The following SASS6 variants were observed in gnomAD, a reference collection of about 807,000 sequenced individuals.
The protein encoded by SASS6 is spindle assembly abnormal protein 6 homolog.
Under a neutral mutation model 94.9 loss-of-function variants are expected in SASS6, and 59 were observed. The observed-to-expected ratio is 0.62, with a 90% CI of 0.50 to 0.77. SASS6 has a LOEUF of 0.77. SASS6 is among the 30% of genes least tolerant of loss of function. SASS6 has a pLI of 0.00. For synonymous variants in SASS6, 264 were observed against 270.0 expected (o/e 0.98, Z 0.22); for missense variants, 698 against 734.1 (o/e 0.95, Z 0.57).
In SASS6 at chr1:100,105,810, C is replaced by A. The variant is rs1240486965; in HGVS notation, c.1502G>T (p.Ser501Ile). 10 of 1,613,276 alleles carry A rather than the reference C, an allele frequency of 6.2e-6. No homozygotes were observed. Among genetic ancestry groups the A allele is most frequent in the East Asian group, 2.2e-5 (1 of 44,824 alleles). The change falls in exon 13 of 17, where the codon AGC (serine) becomes ATC (isoleucine). Residue 501 changes from serine to isoleucine, a missense_variant. By Grantham distance (142) the Ser-to-Ile change is moderately radical. Transcript: ENST00000287482. ...AATTCCACTTCTGATTGTGTTGCTG[C>A]TGGAATGTGCAGGCGGAGTAGTAGA... The part of the protein sequence containing the change: ...GPSTTPPAHS[S>I]SNTIRSGISP...
chr1:100,132,868 G>A lies in SASS6; in HGVS notation c.-54C>T, dbSNP rs1470830302. 2.6e-5 allele frequency: 40 copies of A among 1,517,450 alleles called. No individual in the cohort carries two copies. In the East Asian group the frequency reaches 8.8e-4, roughly 33 times the overall value. The allele number at this position is 1,517,450 out of a possible 1,614,324, so 94.0% of individuals were successfully genotyped here. ...GAAAAGCCCAACAGGCCCGGCCCTC[G>A]GGATTAGCCTGAGAGGTCCGGGTCC... On this transcript the variant is annotated 5_prime_UTR_variant, in exon 1 of 17. Transcript: ENST00000287482.
In SASS6 at chr1:100,102,675, C is replaced by CA. The variant is rs67844941; in HGVS notation, c.1674+279dup. Among the ~76,000 whole-genome samples the CA allele has an allele frequency of 0.16, 11,199 of 69,726 alleles. 1,036 individuals are homozygous for CA. Among genetic ancestry groups the CA allele is most frequent in the African/African-American group, 0.3 (6,045 of 19,896 alleles). The allele number at this position is 69,726 out of a possible 152,430, so 45.7% of individuals were successfully genotyped here. ...CCTGGACAACCGAGCAAGACTGTCT[C>CA]AAAAAAAAAAAAAAAAAAAGGAGAG... On this transcript the variant is annotated intron_variant, in intron 14 of 16. Coordinates refer to ENST00000287482, the MANE Select transcript of SASS6 (RefSeq NM_194292.3).
At position 100,102,937 on chromosome 1, in the gene SASS6, ATTAG is replaced by A; in HGVS notation, c.1674+14_1674+17del. On this transcript the variant is annotated intron_variant, in intron 14 of 16. Transcript: ENST00000287482. ...TGCTATATTTTTTCCCAGAACAAGT[ATTAG>A]TTAATTTGGCTACCTTTGTTCCTGA... 6.3e-7 allele frequency: 1 copy of A among 1,592,942 alleles called. No homozygotes were observed. Among genetic ancestry groups the A allele is most frequent in the Middle Eastern group, 1.7e-4 (1 of 5,964 alleles).
At chr1:100,103,211 T>C (rs1314128332) in intron 13 of SASS6, 128 bp from the exon 14 acceptor site, 2 of 572,774 alleles carry the variant, frequency 3.5e-6, no homozygotes, top group Non-Finnish European at 6.1e-6. Context: ...GACGCCAGTC[T>C]TGTTTATCAT....
intron 12 of SASS6, among the ~76,000 whole-genome samples, chr1:100,106,531 C>T (rs1215875894): frequency 2.0e-5 from 3 of 152,014 alleles, no homozygotes; most frequent in Admixed American, 6.6e-5. Context: ...TTTATGAATT[C>T]GAATAAAATT....
chr1:100,126,004 T>C (rs552114124), intron 1 of SASS6, 62 bp from the exon 2 acceptor site: 18 of 843,810 alleles, frequency 2.1e-5, no homozygotes, highest in Non-Finnish European at 3.4e-5. Context: ...ATCACTATCA[T>C]TTGTATTAAG....
rs1355605398 is a variant in SASS6 at position 100,085,319 on chromosome 1, A to G, written c.*9T>C. 1.3e-6 allele frequency: 2 copies of G among 1,534,794 alleles called. No individual in the cohort carries two copies. Among genetic ancestry groups the G allele is most frequent in the South Asian group, 1.1e-5 (1 of 89,484 alleles). The stretch of plus-strand genomic sequence containing the variant: ...AAATACCAATAAAAAGTAAAACATG[A>G]CACTAGAATTAACTGTTTGGTAACT... On this transcript the variant is annotated 3_prime_UTR_variant, in exon 17 of 17. Transcript: ENST00000287482.
In SASS6 at chr1:100,107,412, GTAA is replaced by G; in HGVS notation, c.1285_1287del (p.Leu429del). On this transcript the variant is annotated inframe_deletion, in exon 11 of 17. Transcript: ENST00000287482. ...ATTCGAAGAGACTGTCCAACATCTT[GTAA>G]TTCCTTTTGTTCCTTTTGTAATTTT... The G allele has an allele frequency of 6.2e-7, 1 of 1,609,170 alleles. No homozygotes were observed. The highest frequency in any genetic ancestry group is 8.5e-7 in the Non-Finnish European group (1 of 1,176,350).
intron 13 of SASS6, 98 bp from the exon 14 acceptor site, chr1:100,103,181 A>G (rs775508020): frequency 8.2e-5 from 58 of 706,790 alleles, no homozygotes; most frequent in Non-Finnish European, 1.3e-4. Flanking sequence ...ATAACTAATA[A>G]TTAAGAGAGC....
chr1:100,132,838 G>A lies in SASS6; in HGVS notation c.-24C>T, dbSNP rs774539934. Reference sequence around the variant, plus strand: ...ATGTTGGCTCGCTGCCTCGGCTGGTGTGCAGAAAAGCCCAACAGGCCCGGC... The same window carrying A: ...ATGTTGGCTCGCTGCCTCGGCTGGTATGCAGAAAAGCCCAACAGGCCCGGC... On this transcript the variant is annotated 5_prime_UTR_variant, in exon 1 of 17. Coordinates refer to ENST00000287482, the MANE Select transcript of SASS6 (RefSeq NM_194292.3). 6.2e-7 allele frequency: 1 copy of A among 1,610,488 alleles called. No individual in the cohort carries two copies. The highest frequency in any genetic ancestry group is 1.7e-4 in the Middle Eastern group (1 of 6,056).
At chr1:100,131,373 A>T (rs72728134) in intron 1 of SASS6, among the ~76,000 whole-genome samples, 26,797 of 151,936 alleles carry the variant, frequency 0.18, 3,280 homozygotes, top group Non-Finnish European at 0.27. Context: ...AATTTTCTAG[A>T]AGTCACATTT....
Position 100,107,969 on chromosome 1 carries a change from CAA to C in SASS6, c.895_896del (p.Leu299AlafsTer10). 6.2e-7 allele frequency: 1 copy of C among 1,611,886 alleles called. No individual in the cohort carries two copies. The highest frequency in any genetic ancestry group is 1.1e-5 in the South Asian group (1 of 90,904). On this transcript the variant is annotated frameshift_variant, in exon 9 of 17. Transcript: ENST00000287482. LOFTEE classifies it high-confidence loss of function. The stretch of plus-strand genomic sequence containing the variant: ...CATCTAGTGTAGAATTCTCTCTTCG[CAA>C]AGAGAGGACTTCTTGCTTAGTCCGC... ...LQRTKQEVLS[L>X]RRENSTLDVE...
chr1:100,122,048 G>A (rs2101686308), intron 4 of SASS6, among the ~76,000 whole-genome samples: 1 of 152,284 alleles, frequency 6.6e-6, no homozygotes, highest in South Asian at 2.1e-4. Context: ...GGTTGATGGT[G>A]AACTTTACAG....
At chr1:100,132,644 C>G in intron 1 of SASS6, 106 bp downstream of exon 1, 1 of 951,302 alleles carries the variant, frequency 1.1e-6, no homozygotes, top group Non-Finnish European at 1.7e-6. Context: ...GGGGGGCCGA[C>G]TCGACACCTA....
intron 13 of SASS6, among the ~76,000 whole-genome samples, chr1:100,105,122 C>G (rs1652793958): frequency 6.6e-6 from 1 of 152,082 alleles, no homozygotes; most frequent in Non-Finnish European, 1.5e-5. Context: ...TGAATTCTCT[C>G]TTCTTCAAGT....
rs1174321796 is a variant in SASS6 at position 100,085,249 on chromosome 1, G to A, written c.*79C>T. 3.4e-6 allele frequency: 3 copies of A among 871,412 alleles called. No individual in the cohort carries two copies. Among genetic ancestry groups the A allele is most frequent in the Non-Finnish European group, 5.8e-6 (3 of 515,586 alleles). 54.0% of individuals were successfully genotyped at this position (871,412 alleles called of 1,614,324 possible). A position where few individuals can be genotyped will look rare whatever the true frequency, so the allele number is the denominator to read the frequency against. On this transcript the variant is annotated 3_prime_UTR_variant, in exon 17 of 17. Transcript: ENST00000287482. Reference sequence around the variant, plus strand: ...GTAAAATTTGAAACTTGCTATTTGAGGATCTGGTTTGTGTTGACATATTTT... The same window carrying A: ...GTAAAATTTGAAACTTGCTATTTGAAGATCTGGTTTGTGTTGACATATTTT...
chr1:100,131,816 C>T (rs1313123591), intron 1 of SASS6, among the ~76,000 whole-genome samples: 1 of 152,222 alleles, frequency 6.6e-6, no homozygotes, highest in African/African-American at 2.4e-5. Context: ...ACTTAGTTTT[C>T]ACATACGATT....
In SASS6 at chr1:100,104,095, G is replaced by A. The variant is rs143417462; in HGVS notation, c.1546-1012C>T. On this transcript the variant is annotated intron_variant, in intron 13 of 16. Coordinates refer to ENST00000287482, the MANE Select transcript of SASS6 (RefSeq NM_194292.3). ...TACTGGGAAATGGGGATAAATGTAT[G>A]ACTGGGTATCTGAATAAATCCTATC... Among the ~76,000 whole-genome samples the A allele has an allele frequency of 7.2e-5, 11 of 152,314 alleles. No homozygotes were observed. In the East Asian group the frequency reaches 2.1e-3, roughly 29 times the overall value.
chr1:100,088,330 G>A, intron 14 of SASS6, 94 bp from the exon 15 acceptor site: 2 of 636,392 alleles, frequency 3.1e-6, no homozygotes, highest in Non-Finnish European at 2.9e-6. Context: ...TTGCTCTGTT[G>A]CTTAAGCTGG....
Sources: gnomAD v4.1 joint callset for allele counts (sites outside exome capture counted in the v4.1 genomes callset) on GRCh38, gnomAD v4.1.1 for gene constraint, MANE v1.5 for transcripts, NCBI Gene and HGNC (gene_info 2026-07-23, HGNC 2026-07-21) for gene names.